OPA1: variants seen among roughly 807,000 people sequenced by gnomAD.
The protein encoded by OPA1 is OPA1 mitochondrial dynamin like GTPase, also known as dynamin-like GTPase OPA1, mitochondrial.
A neutral mutation model predicts 152.9 loss-of-function variants in OPA1; 59 were observed. The observed-to-expected ratio is 0.39, with a 90% CI of 0.31 to 0.48. OPA1 has a LOEUF of 0.48. Ranked by LOEUF, OPA1 falls within the 20% of genes least tolerant of loss-of-function variation. The probability of loss-of-function intolerance (pLI) is 0.96; values close to 1 mark genes in which losing one functional copy is unlikely to be tolerated. For synonymous variants in OPA1, 400 were observed against 389.9 expected (o/e 1.03, Z -0.31); for missense variants, 1,008 against 1,216.8 (o/e 0.83, Z 2.55).
At chr3:193,622,439 G>A (rs995221658) in intron 6 of OPA1, among the ~76,000 whole-genome samples, 2 of 151,986 alleles carry the variant, frequency 1.3e-5, no homozygotes, top group African/African-American at 4.8e-5. Context: ...AGGTTGGCCA[G>A]GATGGTCTTG....
At chr3:193,598,043 T>G (rs1289581648) in intron 1 of OPA1, among the ~76,000 whole-genome samples, 1 of 152,162 alleles carries the variant, frequency 6.6e-6, no homozygotes, top group Non-Finnish European at 1.5e-5. Flanking sequence ...ATAATGCCAT[T>G]GCACTCCACG....
intron 1 of OPA1, among the ~76,000 whole-genome samples, chr3:193,611,124 C>T (rs1018479810): frequency 3.3e-5 from 5 of 152,170 alleles, no homozygotes; most frequent in African/African-American, 9.7e-5. Context: ...TTTTCTGCGT[C>T]GCTCAAGCTG....
chr3:193,678,607 T>C (rs1302437652), intron 29 of OPA1, among the ~76,000 whole-genome samples: 1 of 152,182 alleles, frequency 6.6e-6, no homozygotes, highest in Non-Finnish European at 1.5e-5. Context: ...TATAAACTTA[T>C]TTCAGAAATG....
chr3:193,625,351 G>GT (rs1344398705), intron 6 of OPA1, among the ~76,000 whole-genome samples: 2 of 151,798 alleles, frequency 1.3e-5, no homozygotes, highest in African/African-American at 2.4e-5. Context: ...TCTTAATTGT[G>GT]TTTTTTTATA....
rs188580080 is a variant in OPA1, at chr3:193,652,091, A to C, written c.2013-2771A>C. ...ATAGAGAAGTCACCTATAATAACAC[A>C]GAATATAGTCCAGGCACGGTGGCTC... On this transcript the variant is annotated intron_variant, in intron 21 of 30. Coordinates refer to ENST00000361510, the MANE Select transcript of OPA1 (RefSeq NM_130837.3). Among the ~76,000 whole-genome samples the C allele has an allele frequency of 2.8e-3, 424 of 152,296 alleles. 2 individuals are homozygous for C. The highest frequency in any genetic ancestry group is 9.8e-3 in the African/African-American group (409 of 41,556).
intron 1 of OPA1, among the ~76,000 whole-genome samples, chr3:193,595,240 A>G (rs1461368987): frequency 6.6e-6 from 1 of 152,240 alleles, no homozygotes; most frequent in Non-Finnish European, 1.5e-5. Flanking sequence ...TCCCTAACAG[A>G]TGAGAGCATA....
At chr3:193,616,077 G>T (rs749138420) in intron 3 of OPA1, among the ~76,000 whole-genome samples, 4 of 152,140 alleles carry the variant, frequency 2.6e-5, no homozygotes, top group African/African-American at 4.8e-5. Flanking sequence ...GTGCGGTCTT[G>T]GAATCATAAC....
intron 16 of OPA1, among the ~76,000 whole-genome samples, chr3:193,645,075 A>G (rs1005730138): frequency 6.6e-6 from 1 of 152,044 alleles, no homozygotes; most frequent in African/African-American, 2.4e-5. Flanking sequence ...ATATTAAAGA[A>G]GAAGGTGGGA....
intron 1 of OPA1, among the ~76,000 whole-genome samples, chr3:193,611,626 A>G (rs1377905169): frequency 1.3e-5 from 2 of 148,894 alleles, no homozygotes; most frequent in African/African-American, 4.9e-5. Flanking sequence ...AAAAAAGTTC[A>G]GCTAAGGCCA....
chr3:193,613,567 T>C (rs528025497), intron 1 of OPA1, among the ~76,000 whole-genome samples: 1 of 152,186 alleles, frequency 6.6e-6, no homozygotes, highest in East Asian at 1.9e-4. Context: ...TCTTTGTTTT[T>C]TTTTTGTTTG....
chr3:193,685,027 C>T (rs991499295), intron 29 of OPA1, among the ~76,000 whole-genome samples: 12 of 151,898 alleles, frequency 7.9e-5, no homozygotes, highest in Admixed American at 5.2e-4. Flanking sequence ...TCTGACCAGG[C>T]GCGGTGGTTC....
At position 193,696,305 on chromosome 3, in the gene OPA1, A is replaced by T. The variant is rs928334906; in HGVS notation, c.*1705A>T. ...AGCTGTATTTCCACAGATTTCTCCC[A>T]AGGAAAAGGCTAATATTAGTCACTA... On this transcript the variant is annotated 3_prime_UTR_variant, in exon 31 of 31. Coordinates refer to ENST00000361510, the MANE Select transcript of OPA1 (RefSeq NM_130837.3). 6 of 152,266 alleles carry T rather than the reference A, an allele frequency of 3.9e-5. No homozygotes were observed. The highest frequency in any genetic ancestry group is 1.4e-4 in the African/African-American group (6 of 41,472). 9.4% of individuals were successfully genotyped at this position (152,266 alleles called of 1,614,324 possible).
chr3:193,647,468 T>C (rs946827855), intron 19 of OPA1, among the ~76,000 whole-genome samples: 2 of 152,202 alleles, frequency 1.3e-5, no homozygotes, highest in Admixed American at 6.5e-5. Flanking sequence ...AATTCTAGAT[T>C]CACCCTGTTG....
At chr3:193,650,274 G>A (rs1363273258) in intron 21 of OPA1, among the ~76,000 whole-genome samples, 1 of 152,144 alleles carries the variant, frequency 6.6e-6, no homozygotes, top group African/African-American at 2.4e-5. Flanking sequence ...TGGGACATCT[G>A]GCTGCTAGAG....
At chr3:193,677,801 A>G (rs186972274) in intron 29 of OPA1, among the ~76,000 whole-genome samples, 2 of 152,340 alleles carry the variant, frequency 1.3e-5, no homozygotes, top group Admixed American at 1.3e-4. Flanking sequence ...GACGAAGCTA[A>G]TACACGATGT....
intron 29 of OPA1, among the ~76,000 whole-genome samples, chr3:193,671,367 G>A (rs1717881743): frequency 6.6e-6 from 1 of 151,948 alleles, no homozygotes; most frequent in African/African-American, 2.4e-5. Context: ...CCAAGTTAGA[G>A]CACAGTCTGC....
chr3:193,663,071 G>A, intron 26 of OPA1, 109 bp downstream of exon 26: 1 of 1,104,118 alleles, frequency 9.1e-7, no homozygotes, highest in Non-Finnish European at 1.4e-6. Flanking sequence ...TTTGACTTTT[G>A]TCACGTGTAC....
At chr3:193,617,989 A>G in intron 5 of OPA1, 152 bp downstream of exon 5, 1 of 646,874 alleles carries the variant, frequency 1.5e-6, no homozygotes, top group South Asian at 1.8e-5. Context: ...ATTATCCTTT[A>G]GGTGGAAATA....
intron 1 of OPA1, among the ~76,000 whole-genome samples, chr3:193,608,896 T>G (rs141905721): frequency 1.3e-5 from 2 of 152,098 alleles, no homozygotes; most frequent in Admixed American, 1.3e-4. Flanking sequence ...CCTGTATTGG[T>G]TGCATATATA....
Sources: allele counts gnomAD v4.1 joint callset (sites outside exome capture counted in the v4.1 genomes callset), GRCh38; gene constraint gnomAD v4.1.1; transcripts MANE v1.5; gene names NCBI Gene and HGNC (gene_info 2026-07-23, HGNC 2026-07-21).